The following ERBB4 variants were observed in gnomAD, a reference collection of about 807,000 sequenced individuals.
The protein encoded by ERBB4 is receptor tyrosine-protein kinase erbB-4.
Under a neutral mutation model 158.0 loss-of-function variants are expected in ERBB4, and 42 were observed. The ratio of observed to expected loss-of-function variants is 0.27; its 90% CI spans 0.21 to 0.34. ERBB4 has a LOEUF of 0.34. Ranked by LOEUF, ERBB4 falls within the 10% of genes least tolerant of loss-of-function variation. ERBB4 has a pLI of 1.00. For missense variants in ERBB4, 1,333 were observed against 1,624.1 expected (o/e 0.82, Z 3.08); for synonymous variants, 583 against 558.7 (o/e 1.04, Z -0.61).
chr2:211,428,311 T>C, intron 22 of ERBB4, 97 bp downstream of exon 22: 1 of 742,566 alleles, frequency 1.3e-6, no homozygotes. Context: ...TAGGTATTTA[T>C]AACACAACAA....
Position 212,373,916 on chromosome 2 carries a change from CAT to C in ERBB4, c.82+164531_82+164532del, listed in dbSNP as rs1341459887. Among the ~76,000 whole-genome samples the C allele has an allele frequency of 1.2e-3, 55 of 46,100 alleles. 4 individuals carry two copies. The highest frequency in any genetic ancestry group is 4.4e-3 in the East Asian group (13 of 2,982). The allele number at this position is 46,100 out of a possible 152,430, so 30.2% of individuals were successfully genotyped here. On this transcript the variant is annotated intron_variant, in intron 1 of 27. Coordinates refer to ENST00000342788, the MANE Select transcript of ERBB4 (RefSeq NM_005235.3). ...ATATATATATATCCATGTATATATCCATATATATATATCCATATATATCCATA... is the reference window on the plus strand; with the variant it reads ...ATATATATATATCCATGTATATATCCATATATATATCCATATATATCCATA...
intron 1 of ERBB4, among the ~76,000 whole-genome samples, chr2:212,218,262 C>G (rs370380343): frequency 6.6e-4 from 100 of 151,306 alleles, no homozygotes; most frequent in Admixed American, 5.2e-3. Flanking sequence ...ATCTGAAGTA[C>G]AAATTAAATT....
At chr2:212,141,926 G>A (rs1196089669) in intron 1 of ERBB4, among the ~76,000 whole-genome samples, 3 of 152,008 alleles carry the variant, frequency 2.0e-5, no homozygotes, top group Non-Finnish European at 4.4e-5. Context: ...TATCTCCAAT[G>A]GTTTCTCATA....
At chr2:212,042,916 A>C (rs2077174084) in intron 2 of ERBB4, among the ~76,000 whole-genome samples, 1 of 152,188 alleles carries the variant, frequency 6.6e-6, no homozygotes, top group Non-Finnish European at 1.5e-5. Flanking sequence ...GAGCTATGGA[A>C]GAAAAGTGGA....
intron 2 of ERBB4, among the ~76,000 whole-genome samples, chr2:212,062,996 A>G (rs1245067359): frequency 1.3e-5 from 2 of 152,220 alleles, no homozygotes; most frequent in Non-Finnish European, 2.9e-5. Context: ...AATAAAATAA[A>G]CTATACAAAT....
intron 1 of ERBB4, among the ~76,000 whole-genome samples, chr2:212,222,908 A>G (rs1396695365): frequency 6.6e-6 from 1 of 151,472 alleles, no homozygotes; most frequent in African/African-American, 2.4e-5. Context: ...TTGTTCAATG[A>G]TTATTGGATA....
intron 1 of ERBB4, among the ~76,000 whole-genome samples, chr2:212,420,736 G>T: frequency 6.6e-6 from 1 of 152,116 alleles, no homozygotes; most frequent in African/African-American, 2.4e-5. Context: ...AAAGAATTTT[G>T]CAAGGTAACA....
At chr2:212,106,509 A>T (rs2079231581) in intron 2 of ERBB4, among the ~76,000 whole-genome samples, 1 of 152,252 alleles carries the variant, frequency 6.6e-6, no homozygotes, top group African/African-American at 2.4e-5. Context: ...GAAATAGAGC[A>T]TAAAAGTTTG....
intron 3 of ERBB4, among the ~76,000 whole-genome samples, chr2:211,888,992 A>G (rs978346575): frequency 2.8e-4 from 42 of 148,170 alleles, no homozygotes; most frequent in Non-Finnish European, 5.5e-4. Context: ...GCCATTGCCC[A>G]GGCTTGCTTA....
At chr2:211,848,835 T>C (rs776030575) in intron 3 of ERBB4, among the ~76,000 whole-genome samples, 2 of 151,994 alleles carry the variant, frequency 1.3e-5, no homozygotes, top group East Asian at 1.9e-4. Context: ...TATATCAAAA[T>C]AAAACAGTAG....
In ERBB4 at chr2:212,512,714, C is replaced by T. The variant is rs946900106; in HGVS notation, c.82+25735G>A. Among the ~76,000 whole-genome samples the T allele has an allele frequency of 3.9e-5, 6 of 152,140 alleles. No homozygotes were observed. In the East Asian group the frequency reaches 1.2e-3, roughly 29 times the overall value. ...GTCAAATACTAGTTTGATAGGGTAT[C>T]ATGCACCTTGATTATAACACACATA... On this transcript the variant is annotated intron_variant, in intron 1 of 27. Transcript: ENST00000342788.
intron 3 of ERBB4, among the ~76,000 whole-genome samples, chr2:211,809,641 G>C (rs1575177928): frequency 6.6e-6 from 1 of 151,988 alleles, no homozygotes; most frequent in South Asian, 2.1e-4. Flanking sequence ...CAAAAACCAG[G>C]TCCTGGATTC....
At chr2:211,711,220 A>G (rs1205798671) in intron 9 of ERBB4, among the ~76,000 whole-genome samples, 25 of 152,116 alleles carry the variant, frequency 1.6e-4, no homozygotes, top group East Asian at 1.9e-4. Context: ...TGCCATTCCT[A>G]TTTGGACATA....
intron 1 of ERBB4, among the ~76,000 whole-genome samples, chr2:212,277,072 C>A (rs1183188615): frequency 6.6e-6 from 1 of 151,702 alleles, no homozygotes; most frequent in Non-Finnish European, 1.5e-5. Context: ...GCCTTTCCAA[C>A]TGACCTTGAT....
At chr2:212,371,809 C>T (rs1277775161) in intron 1 of ERBB4, among the ~76,000 whole-genome samples, 1 of 152,048 alleles carries the variant, frequency 6.6e-6, no homozygotes, top group African/African-American at 2.4e-5. Context: ...AGCTGAGAGG[C>T]TCATTCTCTC....
intron 20 of ERBB4, among the ~76,000 whole-genome samples, chr2:211,502,413 A>G (rs1459041016): frequency 6.6e-6 from 1 of 152,178 alleles, no homozygotes; most frequent in East Asian, 1.9e-4. Context: ...ATTATTTCAT[A>G]TTGATTACTC....
chr2:211,557,404 T>C (rs2067263601), intron 20 of ERBB4, among the ~76,000 whole-genome samples: 1 of 151,898 alleles, frequency 6.6e-6, no homozygotes, highest in African/African-American at 2.4e-5. Flanking sequence ...ATATGGAACT[T>C]AAACAAATAG....
chr2:211,418,053 C>T (rs1218079541), intron 25 of ERBB4, among the ~76,000 whole-genome samples: 5 of 150,390 alleles, frequency 3.3e-5, no homozygotes, highest in African/African-American at 9.8e-5. Context: ...TTAATTAGTG[C>T]GCAGTGGAGC....
At chr2:212,523,763 C>T (rs1479962832) in intron 1 of ERBB4, among the ~76,000 whole-genome samples, 1 of 151,950 alleles carries the variant, frequency 6.6e-6, no homozygotes, top group African/African-American at 2.4e-5. Context: ...ACTCAATCCT[C>T]ACCCCCAACA....
Sources: allele counts gnomAD v4.1 joint callset (sites outside exome capture counted in the v4.1 genomes callset), GRCh38; gene constraint gnomAD v4.1.1; transcripts MANE v1.5; gene names NCBI Gene and HGNC (gene_info 2026-07-23, HGNC 2026-07-21).